The following MARCHF1 variants were observed in gnomAD, a reference collection of about 807,000 sequenced individuals.
The protein encoded by MARCHF1 is E3 ubiquitin-protein ligase MARCHF1.
A neutral mutation model predicts 54.2 loss-of-function variants in MARCHF1; 40 were observed. The observed-to-expected ratio is 0.74, with a 90% CI of 0.57 to 0.96. The LOEUF (loss-of-function observed/expected upper bound fraction) is 0.96, where lower values mean the gene tolerates loss of function less well. Among genes scored for constraint, MARCHF1 ranks in the 40% least tolerant of loss-of-function variants. The pLI is 0.00. For synonymous variants in MARCHF1, 236 were observed against 236.3 expected (o/e 1.00, Z 0.01); for missense variants, 586 against 656.5 (o/e 0.89, Z 1.17).
At chr4:163,977,628 A>G (rs1228619855) in intron 3 of MARCHF1, among the ~76,000 whole-genome samples, 1 of 152,238 alleles carries the variant, frequency 6.6e-6, no homozygotes, top group Non-Finnish European at 1.5e-5. Context: ...TCATGTAGAA[A>G]TGAATCAGGT....
intron 7 of MARCHF1, among the ~76,000 whole-genome samples, chr4:163,601,244 T>C (rs138029863): frequency 6.6e-6 from 1 of 152,276 alleles, no homozygotes; most frequent in African/African-American, 2.4e-5. Flanking sequence ...CAGCTATATA[T>C]CCTTATTTGG....
chr4:163,657,340 T>C (rs1287734329), intron 5 of MARCHF1, among the ~76,000 whole-genome samples: 1 of 151,980 alleles, frequency 6.6e-6, no homozygotes, highest in African/African-American at 2.4e-5. Context: ...TTCCTAGGAA[T>C]ACAGCTAAGA....
At chr4:164,116,720 T>A (rs1755946158) in intron 1 of MARCHF1, among the ~76,000 whole-genome samples, 1 of 152,000 alleles carries the variant, frequency 6.6e-6, no homozygotes, top group Non-Finnish European at 1.5e-5. Flanking sequence ...TTCCAGAAAG[T>A]GCTATCAGAC....
intron 3 of MARCHF1, among the ~76,000 whole-genome samples, chr4:163,900,055 C>T (rs2111303069): frequency 6.6e-6 from 1 of 152,180 alleles, no homozygotes; most frequent in African/African-American, 2.4e-5. Flanking sequence ...TCCCCAGGAA[C>T]TCTTGCTTCC....
At chr4:163,759,269 A>G (rs1464312402) in intron 4 of MARCHF1, among the ~76,000 whole-genome samples, 1 of 152,132 alleles carries the variant, frequency 6.6e-6, no homozygotes, top group African/African-American at 2.4e-5. Flanking sequence ...AGTCAATAAC[A>G]TAATACACAC....
chr4:164,152,906 C>T (rs6814994), intron 1 of MARCHF1, among the ~76,000 whole-genome samples: 27,431 of 151,692 alleles, frequency 0.18, 3,037 homozygotes, highest in Non-Finnish European at 0.26. Flanking sequence ...CAGTTTGAGT[C>T]GTTCCGCCTT....
At chr4:163,927,536 G>A (rs965834727) in intron 3 of MARCHF1, among the ~76,000 whole-genome samples, 5 of 151,694 alleles carry the variant, frequency 3.3e-5, no homozygotes, top group Non-Finnish European at 7.4e-5. Flanking sequence ...TGCATTGGAG[G>A]TTTTTATGTA....
At chr4:164,241,012 TACTCCTATAGGTAAGACCACTATC>T (rs1732726690) in intron 1 of MARCHF1, among the ~76,000 whole-genome samples, 1 of 152,160 alleles carries the variant, frequency 6.6e-6, no homozygotes, top group Non-Finnish European at 1.5e-5. Context: ...TTTTCCCAAT[TACTCCTATAGGTAAGACCACTATC>T]GTAAAACCTA....
chr4:163,612,564 C>G lies in MARCHF1; in HGVS notation c.717G>C (p.Arg239Ser). The G allele has an allele frequency of 6.5e-7, 1 of 1,535,466 alleles. No individual in the cohort carries two copies. Among genetic ancestry groups the G allele is most frequent in the Non-Finnish European group, 8.7e-7 (1 of 1,146,540 alleles). ...SLNLHRGKHT[R>S]YQECNPSLTQ... ...TCAGAGAAGGGTTGCATTCTTGGTACCTTGTATGTTTTCCTCTGTGGAGAT... is the reference window on the plus strand; with the variant it reads ...TCAGAGAAGGGTTGCATTCTTGGTAGCTTGTATGTTTTCCTCTGTGGAGAT... The change falls in exon 7 of 10, where the codon AGG becomes AGC. Residue 239 changes from arginine (R) to serine (S), a missense_variant. Arg to Ser is a moderately radical substitution (Grantham distance 110). Coordinates refer to ENST00000514618, the MANE Select transcript of MARCHF1 (RefSeq NM_001394959.1).
intron 8 of MARCHF1, among the ~76,000 whole-genome samples, chr4:163,564,213 G>C (rs1411806907): frequency 6.6e-6 from 1 of 152,104 alleles, no homozygotes; most frequent in Non-Finnish European, 1.5e-5. Flanking sequence ...TTTTTGGAGG[G>C]TACAACAAGA....
chr4:163,799,695 G>T (rs562453450), intron 4 of MARCHF1, among the ~76,000 whole-genome samples: 1 of 152,064 alleles, frequency 6.6e-6, no homozygotes, highest in South Asian at 2.1e-4. Context: ...TAATGATGAA[G>T]AATTCAATAA....
chr4:164,311,083 C>T (rs1734838816), intron 1 of MARCHF1, among the ~76,000 whole-genome samples: 1 of 152,028 alleles, frequency 6.6e-6, no homozygotes, highest in South Asian at 2.1e-4. Flanking sequence ...GAATTTGCCT[C>T]CAGAAATAAA....
intron 5 of MARCHF1, among the ~76,000 whole-genome samples, chr4:163,668,853 T>C (rs1385243944): frequency 6.6e-6 from 1 of 151,968 alleles, no homozygotes; most frequent in Non-Finnish European, 1.5e-5. Context: ...ATTTGGGAGG[T>C]AGAGGAGTCA....
At chr4:164,140,239 C>CTATATATATATATATA (rs70948702) in intron 1 of MARCHF1, among the ~76,000 whole-genome samples, 164 of 147,372 alleles carry the variant, frequency 1.1e-3, no homozygotes, top group Admixed American at 2.3e-3. Context: ...TACACACACA[C>CTATATATATATATATA]TATATATATA....
intron 3 of MARCHF1, among the ~76,000 whole-genome samples, chr4:163,892,336 A>AGAACATCTAAGAGTGGAGC (rs1441533871): frequency 2.0e-5 from 3 of 152,086 alleles, no homozygotes; most frequent in African/African-American, 7.2e-5. Context: ...TGTAATATTC[A>AGAACATCTAAGAGTGGAGC]GAACATCTAA....
intron 1 of MARCHF1, among the ~76,000 whole-genome samples, chr4:164,370,715 C>G (rs1285420423): frequency 6.6e-6 from 1 of 152,130 alleles, no homozygotes; most frequent in Non-Finnish European, 1.5e-5. Context: ...TGGAGACCAG[C>G]CTCACCAACA....
intron 1 of MARCHF1, among the ~76,000 whole-genome samples, chr4:164,309,076 G>T (rs934088417): frequency 3.3e-5 from 5 of 151,950 alleles, no homozygotes; most frequent in African/African-American, 1.2e-4. Flanking sequence ...TGATTGATAG[G>T]TATGGAGAAA....
At chr4:163,801,842 C>T (rs1748091238) in intron 4 of MARCHF1, among the ~76,000 whole-genome samples, 1 of 152,000 alleles carries the variant, frequency 6.6e-6, no homozygotes. Context: ...ATGTTGTTGC[C>T]TATATAAGTT....
At chr4:163,957,541 G>T (rs1435262154) in intron 3 of MARCHF1, among the ~76,000 whole-genome samples, 1 of 151,868 alleles carries the variant, frequency 6.6e-6, no homozygotes, top group African/African-American at 2.4e-5. Context: ...AATGAAGAAG[G>T]GAAGTGAGAT....
Sources: gnomAD v4.1 joint callset for allele counts (sites outside exome capture counted in the v4.1 genomes callset) on GRCh38, gnomAD v4.1.1 for gene constraint, MANE v1.5 for transcripts, NCBI Gene and HGNC (gene_info 2026-07-23, HGNC 2026-07-21) for gene names.